Variants in GHR observed in about 807,000 individuals in gnomAD.
The protein encoded by GHR is growth hormone receptor, also known as GH receptor.
In GHR, 35 loss-of-function variants were observed where a neutral mutation model predicts 67.1. That is an observed-to-expected ratio of 0.52 (90% CI 0.40 to 0.69). The LOEUF (loss-of-function observed/expected upper bound fraction) is 0.69, where lower values mean the gene tolerates loss of function less well. GHR is among the 30% of genes least tolerant of loss of function. GHR has a pLI of 0.00. For missense variants in GHR, 792 were observed against 764.6 expected, an observed-to-expected ratio of 1.04 and a Z score of -0.42; for synonymous variants, 272 against 269.1, an observed-to-expected ratio of 1.01 and a Z score of -0.10.
chr5:42,611,201 A>G (rs539512509), intron 2 of GHR, among the ~76,000 whole-genome samples: 16 of 152,192 alleles, frequency 1.1e-4, no homozygotes, highest in African/African-American at 3.9e-4. Context: ...TTGCTGAGAC[A>G]TTCCTCTTAC....
intron 1 of GHR, among the ~76,000 whole-genome samples, chr5:42,486,794 C>A (rs932238581): frequency 1.4e-5 from 2 of 147,398 alleles, no homozygotes; most frequent in South Asian, 4.2e-4. Context: ...TTGCAGTGAG[C>A]GGAGATCGCG....
intron 1 of GHR, among the ~76,000 whole-genome samples, chr5:42,460,972 T>TTA (rs1166447621): frequency 2.0e-5 from 3 of 152,304 alleles, no homozygotes; most frequent in South Asian, 2.1e-4. Context: ...CTTAGAGTCC[T>TTA]TAGCTGCCCA....
intron 1 of GHR, among the ~76,000 whole-genome samples, chr5:42,431,220 CCAT>C (rs1177062710): frequency 6.6e-6 from 1 of 152,082 alleles, no homozygotes; most frequent in Non-Finnish European, 1.5e-5. Context: ...TTTATCAAAA[CCAT>C]GCTTCTTGCT....
rs80052737 is a variant in GHR, at chr5:42,653,909, G to A, written c.136+24806G>A. Among the ~76,000 whole-genome samples the A allele has an allele frequency of 2.6e-3, 396 of 152,262 alleles. 2 individuals are homozygous for A. Among genetic ancestry groups the A allele is most frequent in the African/African-American group, 9.2e-3 (383 of 41,564 alleles). ...TGACCTACAACTTCAAGGGTATGAGGTCATAAGTTTAAAAAGATTCCTTTT... is the reference window on the plus strand; with the variant it reads ...TGACCTACAACTTCAAGGGTATGAGATCATAAGTTTAAAAAGATTCCTTTT... On this transcript the variant is annotated intron_variant, in intron 3 of 9. Transcript: ENST00000230882.
At chr5:42,501,574 C>A (rs531363052) in intron 1 of GHR, among the ~76,000 whole-genome samples, 2 of 152,088 alleles carry the variant, frequency 1.3e-5, no homozygotes, top group Non-Finnish European at 2.9e-5. Flanking sequence ...ATTCTTTGTT[C>A]TTGGGGCTAC....
chr5:42,498,914 A>G (rs988996967), intron 1 of GHR, among the ~76,000 whole-genome samples: 10 of 152,200 alleles, frequency 6.6e-5, no homozygotes, highest in African/African-American at 2.2e-4. Context: ...TACCTGAGAA[A>G]ATTGACAATC....
chr5:42,540,810 C>T lies in GHR; in HGVS notation c.-11-25054C>T, dbSNP rs186991286. On this transcript the variant is annotated intron_variant, in intron 1 of 9. Coordinates refer to ENST00000230882, the MANE Select transcript of GHR (RefSeq NM_000163.5). ...CATGCCCATGTCCTTCTGCACCCCC[C>T]AGTCAGACTACCCACTCCCACAACA... Among the ~76,000 whole-genome samples, 816 of 152,262 alleles carry T rather than the reference C, an allele frequency of 5.4e-3. 6 individuals carry two copies. The highest frequency in any genetic ancestry group is 8.8e-3 in the Non-Finnish European group (596 of 68,022).
At chr5:42,504,526 C>G (rs535189066) in intron 1 of GHR, among the ~76,000 whole-genome samples, 8 of 151,960 alleles carry the variant, frequency 5.3e-5, no homozygotes, top group African/African-American at 1.9e-4. Context: ...TTTGGGAGGC[C>G]GAGGTGGGTA....
intron 3 of GHR, among the ~76,000 whole-genome samples, chr5:42,661,200 A>G (rs1166560562): frequency 1.3e-5 from 2 of 152,256 alleles, no homozygotes; most frequent in Admixed American, 6.5e-5. Context: ...ATCCAGGAGA[A>G]CTTCCCCAAT....
chr5:42,691,198 A>G (rs555822836), intron 4 of GHR, among the ~76,000 whole-genome samples: 64 of 152,374 alleles, frequency 4.2e-4, no homozygotes, highest in African/African-American at 1.2e-3. Flanking sequence ...ACGTTCAGAC[A>G]TATTCAGAAA....
intron 3 of GHR, among the ~76,000 whole-genome samples, chr5:42,669,015 G>A (rs150846670): frequency 7.1e-4 from 108 of 152,262 alleles, no homozygotes; most frequent in African/African-American, 2.6e-3. Context: ...ATTCCACCAA[G>A]CAAGAGAATA....
Position 42,695,118 on chromosome 5 carries a change from C to T in GHR, c.439+29C>T. On this transcript the variant is annotated intron_variant, in intron 5 of 9. Transcript: ENST00000230882. ...AATCACAGGTTTTTGTTTCATTTGACATAGTTTTAGACTAAATAAATGGGG... is the reference window on the plus strand; with the variant it reads ...AATCACAGGTTTTTGTTTCATTTGATATAGTTTTAGACTAAATAAATGGGG... 3 of 1,529,000 alleles carry T rather than the reference C, an allele frequency of 2.0e-6. No individual in the cohort carries two copies. The South Asian group carries it at 3.4e-5, about 17-fold the overall frequency. 94.7% of individuals were successfully genotyped at this position (1,529,000 alleles called of 1,614,324 possible).
chr5:42,458,516 A>G (rs1744353409), intron 1 of GHR, among the ~76,000 whole-genome samples: 1 of 152,202 alleles, frequency 6.6e-6, no homozygotes, highest in Non-Finnish European at 1.5e-5. Flanking sequence ...ACCTAAAACT[A>G]TAAAAAACCC....
chr5:42,688,289 C>T (rs577249048), intron 3 of GHR, among the ~76,000 whole-genome samples: 4 of 152,304 alleles, frequency 2.6e-5, no homozygotes, highest in South Asian at 2.1e-4. Context: ...GTGCCTGCCT[C>T]GGCAAAGACC....
chr5:42,502,663 A>G (rs1351322401), intron 1 of GHR, among the ~76,000 whole-genome samples: 3 of 151,922 alleles, frequency 2.0e-5, no homozygotes, highest in Non-Finnish European at 4.4e-5. Flanking sequence ...AATTAAGGCA[A>G]TGGGACCAAA....
At chr5:42,703,642 G>A (rs1758036695) in intron 6 of GHR, among the ~76,000 whole-genome samples, 1 of 151,986 alleles carries the variant, frequency 6.6e-6, no homozygotes, top group Admixed American at 6.6e-5. Flanking sequence ...GCTTTAGGTA[G>A]CAGGGACATT....
intron 6 of GHR, among the ~76,000 whole-genome samples, chr5:42,708,962 G>A (rs977698555): frequency 6.6e-6 from 1 of 152,098 alleles, no homozygotes; most frequent in Admixed American, 6.6e-5. Flanking sequence ...AAGACCAGGG[G>A]CTTATATATA....
intron 1 of GHR, among the ~76,000 whole-genome samples, chr5:42,444,545 G>C (rs1209409013): frequency 1.3e-5 from 2 of 152,070 alleles, no homozygotes; most frequent in Non-Finnish European, 1.5e-5. Flanking sequence ...TTGCCATTTT[G>C]ACAATGCCCT....
chr5:42,617,402 A>G (rs1580064150), intron 2 of GHR, among the ~76,000 whole-genome samples: 2 of 151,692 alleles, frequency 1.3e-5, no homozygotes, highest in African/African-American at 2.4e-5. Flanking sequence ...ACACACACAC[A>G]CACACACACA....
Sources: gnomAD v4.1 joint callset for allele counts (sites outside exome capture counted in the v4.1 genomes callset) on GRCh38, gnomAD v4.1.1 for gene constraint, MANE v1.5 for transcripts, NCBI Gene and HGNC (gene_info 2026-07-23, HGNC 2026-07-21) for gene names.